The following PRPF8 variants were observed in gnomAD, a reference collection of about 807,000 sequenced individuals.
The protein encoded by PRPF8 is pre-mRNA-processing-splicing factor 8.
A neutral mutation model predicts 285.9 loss-of-function variants in PRPF8; 64 were observed. The ratio of observed to expected loss-of-function variants is 0.22; its 90% CI spans 0.18 to 0.28. The LOEUF (loss-of-function observed/expected upper bound fraction) is 0.28, where lower values mean the gene tolerates loss of function less well. Ranked by LOEUF, PRPF8 falls within the 10% of genes least tolerant of loss-of-function variation. The pLI, the probability that PRPF8 is intolerant of heterozygous loss-of-function variation, is 1.00. For synonymous variants in PRPF8, 1,325 were observed against 1,118.2 expected (o/e 1.18, Z -3.69); for missense variants, 1,426 against 3,026.7 (o/e 0.47, Z 12.41).
At chr17:1,671,988 C>A (rs1157773828) in intron 24 of PRPF8, among the ~76,000 whole-genome samples, 1 of 151,952 alleles carries the variant, frequency 6.6e-6, no homozygotes, top group Non-Finnish European at 1.5e-5. Context: ...CACTGCCCTT[C>A]AGCCTAAGTG....
chr17:1,683,747 TCCTCTTCA>T, intron 2 of PRPF8, 46 bp from the exon 3 acceptor site: 1 of 1,609,430 alleles, frequency 6.2e-7, no homozygotes, highest in Non-Finnish European at 8.5e-7. Context: ...CTCCCCCTAA[TCCTCTTCA>T]CCTCTTGCCC....
chr17:1,674,499 G>A lies in PRPF8; in HGVS notation c.3242C>T (p.Ala1081Val), dbSNP rs770158844. The change falls in exon 21 of 43, where the codon GCT becomes GTT. Residue 1081 changes from alanine to valine, a missense_variant. By Grantham distance (64) the Ala-to-Val change is moderately conservative (BLOSUM62 0). This residue lies in a region of PRPF8 where 148 missense variants were observed against 196.2 expected (regional missense o/e 0.75). Coordinates refer to ENST00000304992, the MANE Select transcript of PRPF8 (RefSeq NM_006445.4). ...GCAGAAGAGACGGATGGGGTGGGCAGCCTCAGTGGCTATGTCCTGGAAACT... is the reference window on the plus strand; with the variant it reads ...GCAGAAGAGACGGATGGGGTGGGCAACCTCAGTGGCTATGTCCTGGAAACT... ...FLSFQDIATE[A>V]AHPIRLFCRY... The A allele has an allele frequency of 6.2e-7, 1 of 1,614,170 alleles. No homozygotes were observed. The highest frequency in any genetic ancestry group is 1.1e-5 in the South Asian group (1 of 91,082).
At chr17:1,677,514 G>A in intron 14 of PRPF8, 51 bp downstream of exon 14, 1 of 1,613,506 alleles carries the variant, frequency 6.2e-7, no homozygotes, top group Non-Finnish European at 8.5e-7. Context: ...ACAGGGGCAG[G>A]TACTTTTGAA....
In PRPF8 at chr17:1,673,195, A is replaced by G. The variant is rs748497295; in HGVS notation, c.3660T>C (p.Val1220=). 5 of 1,614,004 alleles carry G rather than the reference A, an allele frequency of 3.1e-6. No homozygotes were observed. The highest frequency in any genetic ancestry group is 4.2e-6 in the Non-Finnish European group (5 of 1,179,962). The change falls in exon 24 of 43, where the codon GTT becomes GTC. Residue 1220 remains valine (V), a splice_region_variant and synonymous_variant. Coordinates refer to ENST00000304992, the MANE Select transcript of PRPF8 (RefSeq NM_006445.4). This position sits in a 1 kb window ranked among gnomAD's most constrained non-coding sequence, Gnocchi z 5.5. The part of the protein sequence containing the change: ...KDGVWNLQNE[V]TKERTAQCFL... ...AACACTGAGCTGTGCGCTCCTTAGTAACCTAAACCACAAAGTCAAGGTTAA... is the reference window on the plus strand; with the variant it reads ...AACACTGAGCTGTGCGCTCCTTAGTGACCTAAACCACAAAGTCAAGGTTAA...
At position 1,674,571 on chromosome 17, in the gene PRPF8, C is replaced by T; in HGVS notation, c.3170G>A (p.Arg1057Gln). ...VMDLLVLGLHRASEMAGPPQM... is the reference protein window; with the variant it reads ...VMDLLVLGLHQASEMAGPPQM... ...AGGGGGCCCAGCCATCTCACTGGCCCGGTGCAATCCCAATACAAGCAAATC... is the reference window on the plus strand; with the variant it reads ...AGGGGGCCCAGCCATCTCACTGGCCTGGTGCAATCCCAATACAAGCAAATC... The change falls in exon 21 of 43, where the codon CGG becomes CAG. Residue 1057 changes from arginine (R) to glutamine (Q), a missense_variant. By Grantham distance (43) the Arg-to-Gln change is conservative. This residue lies in a region of PRPF8 where 148 missense variants were observed against 196.2 expected (regional missense o/e 0.75). Coordinates refer to ENST00000304992, the MANE Select transcript of PRPF8 (RefSeq NM_006445.4). The T allele has an allele frequency of 6.2e-7, 1 of 1,614,132 alleles. No individual in the cohort carries two copies.
At chr17:1,681,388 C>T in intron 6 of PRPF8, 90 bp downstream of exon 6, 1 of 1,392,248 alleles carries the variant, frequency 7.2e-7, no homozygotes, top group Non-Finnish European at 1.0e-6. Context: ...TGTAAACAGA[C>T]TAATTTGGAA....
intron 3 of PRPF8, among the ~76,000 whole-genome samples, chr17:1,682,516 G>A (rs1912986291): frequency 6.6e-6 from 1 of 152,200 alleles, no homozygotes; most frequent in Non-Finnish European, 1.5e-5. Flanking sequence ...GCTGGTATCA[G>A]CTCCTCTAAA....
At position 1,681,687 on chromosome 17, in the gene PRPF8, A is replaced by G. The variant is rs1446441148; in HGVS notation, c.657T>C (p.Tyr219=). 3.1e-6 allele frequency: 5 copies of G among 1,614,080 alleles called. No homozygotes were observed. The highest frequency in any genetic ancestry group is 4.5e-5 in the East Asian group (2 of 44,880). ...AGCGCTGGTAAGTGGAGCCATTTAC[A>G]TACCTAGGTAAAAAATGAAAGGCCC... The part of the protein sequence containing the change: ...DHQPLRDSRK[Y]VNGSTYQRWQ... Residue 219 remains tyrosine (Y), a synonymous_variant, in exon 6 of 43, where the codon TAT becomes TAC. Transcript: ENST00000304992.
intron 24 of PRPF8, among the ~76,000 whole-genome samples, chr17:1,667,488 C>T (rs1003515239): frequency 6.7e-6 from 1 of 148,696 alleles, no homozygotes; most frequent in African/African-American, 2.6e-5. Context: ...ATATGTTATA[C>T]CTCTTATGTC....
rs371576617 is a variant in PRPF8 at position 1,658,497 on chromosome 17, C to T, written c.5376+29G>A. The T allele has an allele frequency of 4.1e-5, 66 of 1,611,094 alleles. No individual in the cohort carries two copies. In the African/African-American group the frequency reaches 5.1e-4, roughly 12 times the overall value. On this transcript the variant is annotated intron_variant, in intron 33 of 42. Coordinates refer to ENST00000304992, the MANE Select transcript of PRPF8 (RefSeq NM_006445.4). The surrounding 1 kb of genome is among the most constrained non-coding windows in gnomAD (Gnocchi z 4.1). The stretch of plus-strand genomic sequence containing the variant: ...TCTCCCACAGCCATGTACAGAGTCC[C>T]GCACCTATACACTGCTGCTAACACT...
intron 24 of PRPF8, among the ~76,000 whole-genome samples, chr17:1,667,139 C>CT: frequency 6.6e-6 from 1 of 151,878 alleles, no homozygotes; most frequent in East Asian, 1.9e-4. Context: ...TGCCACTGCA[C>CT]TCCAGCCTGG....
rs1373520707 is a variant in PRPF8, at chr17:1,659,111, C to T, written c.5138+246G>A. The T allele has an allele frequency of 1.1e-5, 7 of 627,708 alleles. 1 individual carries two copies. The highest frequency in any genetic ancestry group is 3.7e-5 in the South Asian group (2 of 54,674). The allele number at this position is 627,708 out of a possible 1,614,324, so 38.9% of individuals were successfully genotyped here. A position where few individuals can be genotyped will look rare whatever the true frequency, so the allele number is the denominator to read the frequency against. ...CGCAATCTCGGTTCACTGCAAGCTC[C>T]GCCTCCCGGGTTCAAGTAATTCTCC... On this transcript the variant is annotated intron_variant, in intron 32 of 42. Transcript: ENST00000304992. This position sits in a 1 kb window ranked among gnomAD's most constrained non-coding sequence, Gnocchi z 5.1.
At position 1,658,280 on chromosome 17, in the gene PRPF8, C is replaced by G. The variant is rs747151210; in HGVS notation, c.5478G>C (p.Val1826=). The G allele has an allele frequency of 1.2e-6, 2 of 1,614,100 alleles. No individual in the cohort carries two copies. Among genetic ancestry groups the G allele is most frequent in the Admixed American group, 3.3e-5 (2 of 59,998 alleles). Residue 1826 remains valine (V), a synonymous_variant, in exon 34 of 43, where the codon GTG becomes GTC. Transcript: ENST00000304992. This position sits in a 1 kb window ranked among gnomAD's most constrained non-coding sequence, Gnocchi z 4.1. ...GCCCCAAACGCTTCTGTCCCGCCCA[C>G]ACGGACGTGTGGATTATCTTGAGGA... is the stretch of plus-strand genomic sequence containing the variant. ...QLFLKIIHTS[V]WAGQKRLGQL... is the part of the protein sequence containing the mutation.
intron 3 of PRPF8, chr17:1,682,997 A>T (rs767242395): frequency 0.025 from 3,992 of 158,704 alleles, 66 homozygotes; most frequent in Middle Eastern, 0.041. Context: ...CTTATTTTTC[A>T]TTTTTTTTTT....
At chr17:1,652,572 G>T (rs1275007200) in intron 39 of PRPF8, among the ~76,000 whole-genome samples, 2 of 151,978 alleles carry the variant, frequency 1.3e-5, no homozygotes, top group African/African-American at 4.8e-5. Context: ...TTGAAGCAGG[G>T]TATCACTCTG....
rs114284408 is a variant in PRPF8 at position 1,676,350 on chromosome 17, C to T, written c.2409G>A (p.Ala803=). 2.5e-3 allele frequency: 3,989 copies of T among 1,614,136 alleles called. 56 individuals are homozygous for T. In the African/African-American group the frequency reaches 0.036, roughly 15 times the overall value. ...TGGTATATACTGCCACTGCTTCCTC[C>T]GCTGTGATGTAAGGCCCGTCCTGTA... ...NYLKDGPYIT[A]EEAVAVYTTT... Residue 803 remains alanine (A), a synonymous_variant, in exon 17 of 43, where the codon GCG becomes GCA. Coordinates refer to ENST00000304992, the MANE Select transcript of PRPF8 (RefSeq NM_006445.4). The surrounding 1 kb of genome is among the most constrained non-coding windows in gnomAD (Gnocchi z 6.3).
rs1912627540 is a variant in PRPF8, at chr17:1,676,881, G to A, written c.2181+95C>T. ...CCTGTCTAAAAGGGAAAAGAAAAGA[G>A]ATTGGAGCCAGATAGCCCCCTAATG... On this transcript the variant is annotated intron_variant, in intron 15 of 42. Coordinates refer to ENST00000304992, the MANE Select transcript of PRPF8 (RefSeq NM_006445.4). This position sits in a 1 kb window ranked among gnomAD's most constrained non-coding sequence, Gnocchi z 6.3. 1 of 1,523,648 alleles carries A rather than the reference G, an allele frequency of 6.6e-7. No homozygotes were observed. The highest frequency in any genetic ancestry group is 1.1e-5 in the South Asian group (1 of 89,162). 94.4% of individuals were successfully genotyped at this position (1,523,648 alleles called of 1,614,324 possible).
At position 1,681,549 on chromosome 17, in the gene PRPF8, C is replaced by T. The variant is rs1344808305; in HGVS notation, c.795G>A (p.Thr265=). 2.5e-6 allele frequency: 4 copies of T among 1,613,550 alleles called. No individual in the cohort carries two copies. The highest frequency in any genetic ancestry group is 1.1e-5 in the South Asian group (1 of 91,056). Residue 265 remains threonine (T), a synonymous_variant, in exon 6 of 43, where the codon ACG becomes ACA. Transcript: ENST00000304992. ...FYLFDLKAFF[T]SKALNMAIPG... Reference sequence around the variant, plus strand: ...GAATGGCCATATTGAGTGCCTTGGACGTAAAGAAGGCCTTCAAATCAAACA... The same window carrying T: ...GAATGGCCATATTGAGTGCCTTGGATGTAAAGAAGGCCTTCAAATCAAACA...
chr17:1,664,116 C>T (rs1229616276), intron 24 of PRPF8, among the ~76,000 whole-genome samples: 2 of 152,160 alleles, frequency 1.3e-5, no homozygotes, highest in African/African-American at 2.4e-5. Flanking sequence ...TTGCAGCCTC[C>T]ACCTCCCAGG....
Sources: gnomAD v4.1 joint callset for allele counts (sites outside exome capture counted in the v4.1 genomes callset) on GRCh38, gnomAD v4.1.1 for gene constraint, gnomAD v4.1.1 regional missense constraint, Gnocchi (gnomAD v3.1) non-coding constraint, MANE v1.5 for transcripts, NCBI Gene and HGNC (gene_info 2026-07-23, HGNC 2026-07-21) for gene names.